Variants in NFIX observed in about 807,000 individuals in gnomAD.
NFIX encodes the protein nuclear factor I X, also known as nuclear factor 1 X-type.
NFIX carries 2 observed loss-of-function variants against 53.3 expected under a neutral mutation model. The ratio of observed to expected loss-of-function variants is 0.04; its 90% CI spans 0.02 to 0.12. The LOEUF is 0.12. Ranked by LOEUF, NFIX falls within the 10% of genes least tolerant of loss-of-function variation. NFIX has a pLI of 1.00. For synonymous variants in NFIX, 244 were observed against 289.0 expected (o/e 0.84, Z 1.58); for missense variants, 310 against 674.5 (o/e 0.46, Z 5.99).
rs1411351432 is a variant in NFIX at position 13,073,856 on chromosome 19, A to G, written c.698-50A>G. On this transcript the variant is annotated intron_variant, in intron 4 of 10. Transcript: ENST00000592199. This position sits in a 1 kb window ranked among gnomAD's most constrained non-coding sequence, Gnocchi z 4.5. Reference sequence around the variant, plus strand: ...TGTTCATGACAAAGAAACAGACCCCATCAGGCCTCCCCCCACCTCCAAACC... The same window carrying G: ...TGTTCATGACAAAGAAACAGACCCCGTCAGGCCTCCCCCCACCTCCAAACC... 6.2e-7 allele frequency: 1 copy of G among 1,613,002 alleles called. No individual in the cohort carries two copies.
intron 2 of NFIX, among the ~76,000 whole-genome samples, chr19:13,034,155 G>A (rs546438578): frequency 1.3e-5 from 2 of 152,314 alleles, no homozygotes; most frequent in South Asian, 4.1e-4. Flanking sequence ...AGTCTCAGAG[G>A]AGAAAACCTC....
intron 1 of NFIX, chr19:13,024,436 G>A (rs372222912): frequency 7.0e-7 from 1 of 1,431,622 alleles, no homozygotes. Context: ...AACAGCCTGG[G>A]GAGAGGGAAG....
chr19:13,024,574 T>G, intron 1 of NFIX: 1 of 1,535,410 alleles, frequency 6.5e-7, no homozygotes, highest in Non-Finnish European at 8.7e-7. Context: ...TCCACGGGCG[T>G]CTGTGCAGAC....
chr19:13,048,299 C>T (rs1183080875), intron 2 of NFIX, among the ~76,000 whole-genome samples: 1 of 152,172 alleles, frequency 6.6e-6, no homozygotes, highest in Non-Finnish European at 1.5e-5. Context: ...AAGGTACCTC[C>T]CAGTACTCCT....
intron 10 of NFIX, among the ~76,000 whole-genome samples, chr19:13,092,412 A>G (rs988204594): frequency 5.9e-5 from 9 of 151,984 alleles, no homozygotes; most frequent in East Asian, 3.9e-4. Flanking sequence ...TTTGTCCCTA[A>G]CTCCAGACCT....
intron 5 of NFIX, 113 bp downstream of exon 5, chr19:13,074,139 CCT>C (rs1741026597): frequency 2.2e-6 from 3 of 1,370,346 alleles, no homozygotes; most frequent in Non-Finnish European, 2.0e-6. Flanking sequence ...CAGAATGTCA[CCT>C]CTCTCATTGA....
rs565374939 is a variant in NFIX at position 13,077,083 on chromosome 19, G to T, written c.955+1412G>T. Reference sequence around the variant, plus strand: ...CGGGAGACTCTTGGGCTACATCCTGGGTCCCTGGCCGGGGCCTCAGTAGGT... The same window carrying T: ...CGGGAGACTCTTGGGCTACATCCTGTGTCCCTGGCCGGGGCCTCAGTAGGT... On this transcript the variant is annotated intron_variant, in intron 6 of 10. Coordinates refer to ENST00000592199, the MANE Select transcript of NFIX (RefSeq NM_001365902.3). Among the ~76,000 whole-genome samples the T allele has an allele frequency of 2.6e-5, 4 of 152,218 alleles. No homozygotes were observed. In the South Asian group the frequency reaches 6.2e-4, roughly 24 times the overall value.
intron 1 of NFIX, among the ~76,000 whole-genome samples, chr19:13,015,275 T>C (rs1420042918): frequency 6.6e-6 from 1 of 152,198 alleles, no homozygotes; most frequent in Non-Finnish European, 1.5e-5. Flanking sequence ...TTTTTTAAAA[T>C]TTAATTTTAA....
In NFIX at chr19:13,088,787, G is replaced by A. The variant is rs1037367934; in HGVS notation, c.1402+651G>A. ...TTCCCAGGTTAGATGTTCCAAGGAC[G>A]AGGGAGGGCTGTGGGCTTTGGCTTA... is the stretch of plus-strand genomic sequence containing the variant. On this transcript the variant is annotated intron_variant, in intron 9 of 10. Coordinates refer to ENST00000592199, the MANE Select transcript of NFIX (RefSeq NM_001365902.3). This position sits in a 1 kb window ranked among gnomAD's most constrained non-coding sequence, Gnocchi z 5.9. Among the ~76,000 whole-genome samples, 2 of 152,054 alleles carry A rather than the reference G, an allele frequency of 1.3e-5. No individual in the cohort carries two copies. The highest frequency in any genetic ancestry group is 4.8e-5 in the African/African-American group (2 of 41,378).
rs1675048466 is a variant in NFIX, at chr19:13,002,603, T to C, written c.27+6739T>C. On this transcript the variant is annotated intron_variant, in intron 1 of 10. Transcript: ENST00000592199. The surrounding 1 kb of genome is among the most constrained non-coding windows in gnomAD (Gnocchi z 6.1). Reference sequence around the variant, plus strand: ...AGGGGTCGGGGGCACGGAGCTGGGGTGTCTGGCTTCTGGTGGGGCTGGCAG... The same window carrying C: ...AGGGGTCGGGGGCACGGAGCTGGGGCGTCTGGCTTCTGGTGGGGCTGGCAG... Among the ~76,000 whole-genome samples the C allele has an allele frequency of 6.6e-6, 1 of 151,756 alleles. No individual in the cohort carries two copies.
In NFIX at chr19:13,052,413, G is replaced by A. The variant is rs1415068591; in HGVS notation, c.560-20634G>A. Among the ~76,000 whole-genome samples the A allele has an allele frequency of 1.3e-5, 2 of 152,192 alleles. No homozygotes were observed. The highest frequency in any genetic ancestry group is 2.4e-5 in the African/African-American group (1 of 41,456). On this transcript the variant is annotated intron_variant, in intron 2 of 10. Coordinates refer to ENST00000592199, the MANE Select transcript of NFIX (RefSeq NM_001365902.3). The surrounding 1 kb of genome is among the most constrained non-coding windows in gnomAD (Gnocchi z 5.2). ...CACGAACCACCTGAGTGATCCCCCT[G>A]TTCTCAGAACACAGGTGGGTCACCT...
chr19:13,084,967 G>T (rs774110402), intron 8 of NFIX, among the ~76,000 whole-genome samples: 95 of 151,798 alleles, frequency 6.3e-4, no homozygotes, highest in Non-Finnish European at 1.1e-3. Context: ...CTACTTGGGA[G>T]GCTGAGGCAG....
rs1049098335 is a variant in NFIX, at chr19:13,001,057, G to C, written c.27+5193G>C. The stretch of plus-strand genomic sequence containing the variant: ...GGAGGCTGGGCACTTTCTCCAACAC[G>C]GTGCTGAGAATGGGCCTTCTGTCCC... On this transcript the variant is annotated intron_variant, in intron 1 of 10. Transcript: ENST00000592199. The surrounding 1 kb of genome is among the most constrained non-coding windows in gnomAD (Gnocchi z 6.5). Among the ~76,000 whole-genome samples, 6 of 152,156 alleles carry C rather than the reference G, an allele frequency of 3.9e-5. No individual in the cohort carries two copies. The highest frequency in any genetic ancestry group is 1.4e-4 in the African/African-American group (6 of 41,430).
Position 13,073,986 on chromosome 19 carries a change from A to G in NFIX, c.778A>G (p.Thr260Ala). The G allele has an allele frequency of 6.2e-7, 1 of 1,613,856 alleles. No individual in the cohort carries two copies. The highest frequency in any genetic ancestry group is 8.5e-7 in the Non-Finnish European group (1 of 1,179,842). Residue 260 changes from threonine (T) to alanine (A), a missense_variant, in exon 5 of 11, where the codon ACC becomes GCC. This residue lies in a region of NFIX where 164 missense variants were observed against 284.4 expected (regional missense o/e 0.58). Transcript: ENST00000592199. This position sits in a 1 kb window ranked among gnomAD's most constrained non-coding sequence, Gnocchi z 4.5. Reference sequence around the variant, plus strand: ...CAGCTACTACAACATCAACCAGGTGACCCTGGGGCGGCGGTCCATCACCTC... The same window carrying G: ...CAGCTACTACAACATCAACCAGGTGGCCCTGGGGCGGCGGTCCATCACCTC... Reference protein sequence around the residue: ...SPSYYNINQVTLGRRSITSPP... With the variant: ...SPSYYNINQVALGRRSITSPP...
In NFIX at chr19:13,028,606, G is replaced by A. The variant is rs1288371151; in HGVS notation, c.559+3054G>A. ...TACTAGGTCCAAAAGGCTGCCATGC[G>A]GCTGGCCTTCCTGCTGGGAAGGAGT... On this transcript the variant is annotated intron_variant, in intron 2 of 10. Coordinates refer to ENST00000592199, the MANE Select transcript of NFIX (RefSeq NM_001365902.3). This position sits in a 1 kb window ranked among gnomAD's most constrained non-coding sequence, Gnocchi z 4.2. 6.6e-6 allele frequency among the ~76,000 whole-genome samples: 1 copy of A among 152,212 alleles called. No individual in the cohort carries two copies. Among genetic ancestry groups the A allele is most frequent in the Non-Finnish European group, 1.5e-5 (1 of 68,028 alleles).
chr19:13,046,365 C>G (rs982441396), intron 2 of NFIX, among the ~76,000 whole-genome samples: 1 of 152,076 alleles, frequency 6.6e-6, no homozygotes, highest in African/African-American at 2.4e-5. Context: ...GCCCTTGGGC[C>G]ACTGTGTCTT....
Position 12,995,845 on chromosome 19 carries a change from C to A in NFIX, c.8C>A (p.Ser3Tyr). 1.0e-6 allele frequency: 1 copy of A among 993,194 alleles called. No individual in the cohort carries two copies. The highest frequency in any genetic ancestry group is 4.2e-5 in the South Asian group (1 of 23,978). 61.5% of individuals were successfully genotyped at this position (993,194 alleles called of 1,614,324 possible). ...CCGCCCGGGCGCCCAGCTATGTACT[C>A]CCCGTACTGCCTCACCCAGGTACCG... MY[S>Y]PYCLTQDEFH... Residue 3 changes from serine to tyrosine, a missense_variant, in exon 1 of 11, where the codon TCC becomes TAC. Ser to Tyr is a moderately radical substitution (Grantham distance 144, BLOSUM62 -2). Around this residue, in one of 5 missense-constraint regions of NFIX, gnomAD observed 64 missense variants for 144.5 expected, o/e 0.44. Coordinates refer to ENST00000592199, the MANE Select transcript of NFIX (RefSeq NM_001365902.3).
At position 13,066,735 on chromosome 19, in the gene NFIX, A is replaced by ATG. The variant is rs377690620; in HGVS notation, c.560-6300_560-6299dup. 2.6e-5 allele frequency among the ~76,000 whole-genome samples: 4 copies of ATG among 151,788 alleles called. No individual in the cohort carries two copies. The highest frequency in any genetic ancestry group is 2.9e-5 in the Non-Finnish European group (2 of 67,900). On this transcript the variant is annotated intron_variant, in intron 2 of 10. Transcript: ENST00000592199. The surrounding 1 kb of genome is among the most constrained non-coding windows in gnomAD (Gnocchi z 4.2). The stretch of plus-strand genomic sequence containing the variant: ...GGATGACTCCAGGATGTGTGTGTGC[A>ATG]TGTGTGTGTGTGTTTGTGCACATGT...
rs202138513 is a variant in NFIX, at chr19:13,089,962, CAGG to C, written c.1403-334_1403-332del. 0.028 allele frequency among the ~76,000 whole-genome samples: 4,232 copies of C among 152,284 alleles called. 69 individuals carry two copies. The highest frequency in any genetic ancestry group is 0.082 in the Middle Eastern group (24 of 294). Reference sequence around the variant, plus strand: ...CCTCACTAGCGGGTGGAACTGGGTCCAGGAGACTTGTCTCAGCCTCCAGGGCCT... The same window carrying C: ...CCTCACTAGCGGGTGGAACTGGGTCCAGACTTGTCTCAGCCTCCAGGGCCT... On this transcript the variant is annotated intron_variant, in intron 9 of 10. Coordinates refer to ENST00000592199, the MANE Select transcript of NFIX (RefSeq NM_001365902.3). This position sits in a 1 kb window ranked among gnomAD's most constrained non-coding sequence, Gnocchi z 4.8.
Sources: allele counts gnomAD v4.1 joint callset (sites outside exome capture counted in the v4.1 genomes callset), GRCh38; gene constraint gnomAD v4.1.1; regional missense constraint gnomAD v4.1.1; non-coding constraint Gnocchi (gnomAD v3.1); transcripts MANE v1.5; gene names NCBI Gene and HGNC (gene_info 2026-07-23, HGNC 2026-07-21).